NAA30: variants seen among roughly 807,000 people sequenced by gnomAD.
NAA30 encodes the protein N-alpha-acetyltransferase 30, NatC catalytic subunit, also known as N-alpha-acetyltransferase 30.
NAA30 carries 5 observed loss-of-function variants against 31.4 expected under a neutral mutation model. The observed-to-expected ratio is 0.16, with a 90% CI of 0.08 to 0.33. The LOEUF (loss-of-function observed/expected upper bound fraction) is 0.33. Among genes scored for constraint, NAA30 ranks in the 10% least tolerant of loss-of-function variants. The pLI is 1.00. For synonymous variants in NAA30, 222 were observed against 207.1 expected, an observed-to-expected ratio of 1.07 and a Z score of -0.62; for missense variants, 428 against 490.8, an observed-to-expected ratio of 0.87 and a Z score of 1.21.
At chr14:57,390,746 G>A in intron 1 of NAA30, 41 bp downstream of exon 1, 1 of 461,456 alleles carries the variant, frequency 2.2e-6, no homozygotes, top group Non-Finnish European at 3.7e-6. Flanking sequence ...GGGCTGGCGG[G>A]TGGGCCCGGG....
At chr14:57,401,443 C>T (rs1170878258) in intron 4 of NAA30, among the ~76,000 whole-genome samples, 1 of 152,156 alleles carries the variant, frequency 6.6e-6, no homozygotes, top group Non-Finnish European at 1.5e-5. Context: ...GGTGCAGTCG[C>T]CAAAGCTTTA....
At chr14:57,392,469 G>T (rs976628516) in intron 2 of NAA30, among the ~76,000 whole-genome samples, 3 of 151,962 alleles carry the variant, frequency 2.0e-5, no homozygotes, top group African/African-American at 7.3e-5. Context: ...AGTAACACTG[G>T]CTTGTGTAGA....
At chr14:57,397,664 C>G (rs1476228665) in intron 3 of NAA30, among the ~76,000 whole-genome samples, 1 of 152,198 alleles carries the variant, frequency 6.6e-6, no homozygotes, top group East Asian at 1.9e-4. Flanking sequence ...CGGTGGCTCA[C>G]GCCTATAATC....
chr14:57,391,647 G>A lies in NAA30; in HGVS notation c.690G>A (p.Leu230=). Residue 230 remains leucine, a synonymous_variant, in exon 2 of 5, where the codon CTG becomes CTA. Coordinates refer to ENST00000556492, the MANE Select transcript of NAA30 (RefSeq NM_001011713.3). The surrounding 1 kb of genome is among the most constrained non-coding windows in gnomAD (Gnocchi z 4.1). Reference sequence around the variant, plus strand: ...TACAAATGCCCGATATCATGAGACTGATCACCAAAGATCTGTCCGAACCCT... The same window carrying A: ...TACAAATGCCCGATATCATGAGACTAATCACCAAAGATCTGTCCGAACCCT... ...SELQMPDIMR[L]ITKDLSEPYS... The A allele has an allele frequency of 6.2e-7, 1 of 1,614,194 alleles. No individual in the cohort carries two copies. Among genetic ancestry groups the A allele is most frequent in the Non-Finnish European group, 8.5e-7 (1 of 1,180,028 alleles).
chr14:57,396,577 T>A (rs1566548883), intron 2 of NAA30, among the ~76,000 whole-genome samples, 175 bp from the exon 3 acceptor site: 1 of 152,180 alleles, frequency 6.6e-6, no homozygotes, highest in African/African-American at 2.4e-5. Context: ...ACTGGAACAT[T>A]TAAAGGAGTT....
chr14:57,400,747 A>T (rs188183817), intron 4 of NAA30, among the ~76,000 whole-genome samples: 1 of 152,256 alleles, frequency 6.6e-6, no homozygotes, highest in Non-Finnish European at 1.5e-5. Context: ...TACAAAATTT[A>T]TACACAGTCA....
intron 3 of NAA30, among the ~76,000 whole-genome samples, chr14:57,398,510 T>A (rs868206338): frequency 6.6e-6 from 1 of 152,032 alleles, no homozygotes; most frequent in African/African-American, 2.4e-5. Flanking sequence ...CAGGCTGGAG[T>A]GCAGTGGTGT....
chr14:57,394,728 T>C (rs1421863058), intron 2 of NAA30, among the ~76,000 whole-genome samples: 1 of 152,210 alleles, frequency 6.6e-6, no homozygotes, highest in Non-Finnish European at 1.5e-5. Context: ...GCTTATTCCA[T>C]GCTCAAAGGA....
At chr14:57,394,110 TA>T (rs11326184) in intron 2 of NAA30, among the ~76,000 whole-genome samples, 97,561 of 137,202 alleles carry the variant, frequency 0.71, 35,501 homozygotes, top group Admixed American at 0.83. Flanking sequence ...GTAAAAGATG[TA>T]AAAAAAAAAA....
intron 4 of NAA30, among the ~76,000 whole-genome samples, chr14:57,405,054 T>C (rs2066492825): frequency 6.6e-6 from 1 of 152,238 alleles, no homozygotes; most frequent in African/African-American, 2.4e-5. Context: ...TACAATCTGC[T>C]ATTCAAACCC....
chr14:57,403,308 CT>C (rs1260849804), intron 4 of NAA30, among the ~76,000 whole-genome samples: 2 of 147,202 alleles, frequency 1.4e-5, no homozygotes, highest in Non-Finnish European at 3.0e-5. Flanking sequence ...TTTTTACTTT[CT>C]ATTCTGTATA....
chr14:57,395,049 G>C lies in NAA30; in HGVS notation c.772-1703G>C, dbSNP rs527315228. ...AGTTTCAAATCAGAAAAAGCTTTCA[G>C]AGTTGGTCGAGGCGATTTTTGTGCA... On this transcript the variant is annotated intron_variant, in intron 2 of 4. Transcript: ENST00000556492. 3.9e-5 allele frequency among the ~76,000 whole-genome samples: 6 copies of C among 152,238 alleles called. 1 individual carries two copies. The South Asian group carries it at 1.2e-3, about 32-fold the overall frequency.
At chr14:57,407,357 C>T (rs879406179) in intron 4 of NAA30, among the ~76,000 whole-genome samples, 6 of 152,128 alleles carry the variant, frequency 3.9e-5, no homozygotes, top group Non-Finnish European at 7.4e-5. Flanking sequence ...TTGGTCCCTG[C>T]TGTTGTTGGG....
At position 57,409,456 on chromosome 14, in the gene NAA30, G is replaced by A. The variant is rs1468599457; in HGVS notation, c.1029G>A (p.Arg343=). 1.9e-6 allele frequency: 3 copies of A among 1,611,962 alleles called. No individual in the cohort carries two copies. The highest frequency in any genetic ancestry group is 1.7e-5 in the Admixed American group (1 of 59,652). The change falls in exon 5 of 5, where the codon AGG becomes AGA. Residue 343 remains arginine (R), a synonymous_variant. Transcript: ENST00000556492. The part of the protein sequence containing the change: ...YENLGFVRDK[R]LFRYYLNGVD... ...ATCTTGGTTTTGTTCGAGATAAGAG[G>A]CTGTTCAGATACTATTTAAATGGAG... is the stretch of plus-strand genomic sequence containing the variant.
chr14:57,407,365 G>A (rs2139766256), intron 4 of NAA30, among the ~76,000 whole-genome samples: 1 of 152,218 alleles, frequency 6.6e-6, no homozygotes, highest in Admixed American at 6.5e-5. Context: ...TGCTGTTGTT[G>A]GGCTTACCAG....
chr14:57,415,530 A>G lies in NAA30; in HGVS notation c.*6014A>G, dbSNP rs2066543562. 1 of 152,176 alleles carries G rather than the reference A, an allele frequency of 6.6e-6. No homozygotes were observed. The highest frequency in any genetic ancestry group is 6.6e-5 in the Admixed American group (1 of 15,260). The allele number at this position is 152,176 out of a possible 1,614,324, so 9.4% of individuals were successfully genotyped here. ...TGTAATAATTTGTAAAAATGCGTGT[A>G]TTTTTAGGAATGCGCTATTTCCAGT... On this transcript the variant is annotated 3_prime_UTR_variant, in exon 5 of 5. Transcript: ENST00000556492.
chr14:57,399,570 T>C (rs935940579), intron 3 of NAA30, among the ~76,000 whole-genome samples: 1 of 152,224 alleles, frequency 6.6e-6, no homozygotes, highest in Non-Finnish European at 1.5e-5. Flanking sequence ...CTCCTGCTTG[T>C]GGCAAATAAT....
intron 4 of NAA30, among the ~76,000 whole-genome samples, chr14:57,402,220 C>CT (rs2066480246): frequency 6.6e-6 from 1 of 152,348 alleles, no homozygotes; most frequent in Admixed American, 6.5e-5. Flanking sequence ...CCAACAACTC[C>CT]TTTAAGTTTT....
chr14:57,391,834 C>CAT lies in NAA30; in HGVS notation c.771+108_771+109dup. 4 of 830,520 alleles carry CAT rather than the reference C, an allele frequency of 4.8e-6. No individual in the cohort carries two copies. Among genetic ancestry groups the CAT allele is most frequent in the Non-Finnish European group, 7.7e-6 (4 of 520,268 alleles). The allele number at this position is 830,520 out of a possible 1,614,324, so 51.4% of individuals were successfully genotyped here. ...GCAGTGGATATCTCCTGCTGCGTAT[C>CAT]ATAGTACGTTATATGATGTCAAGTG... is the stretch of plus-strand genomic sequence containing the variant. On this transcript the variant is annotated intron_variant, in intron 2 of 4. Coordinates refer to ENST00000556492, the MANE Select transcript of NAA30 (RefSeq NM_001011713.3). This position sits in a 1 kb window ranked among gnomAD's most constrained non-coding sequence, Gnocchi z 4.1.
Sources: gnomAD v4.1 joint callset for allele counts (sites outside exome capture counted in the v4.1 genomes callset) on GRCh38, gnomAD v4.1.1 for gene constraint, Gnocchi (gnomAD v3.1) non-coding constraint, MANE v1.5 for transcripts, NCBI Gene and HGNC (gene_info 2026-07-23, HGNC 2026-07-21) for gene names.